NKAIN3: variants seen among roughly 807,000 people sequenced by gnomAD.
The protein encoded by NKAIN3 is sodium/potassium transporting ATPase interacting 3, also known as sodium/potassium-transporting ATPase subunit beta-1-interacting protein 3.
A neutral mutation model predicts 30.2 loss-of-function variants in NKAIN3; 25 were observed. The observed-to-expected ratio is 0.83, with a 90% CI of 0.60 to 1.16. The LOEUF (loss-of-function observed/expected upper bound fraction) is 1.16. Among genes scored for constraint, NKAIN3 ranks in the 50% most tolerant of loss-of-function variants. The probability of loss-of-function intolerance (pLI) is 0.00; values close to 1 mark genes in which losing one functional copy is unlikely to be tolerated. For synonymous variants in NKAIN3, 91 were observed against 89.6 expected (o/e 1.02, Z -0.09); for missense variants, 225 against 254.1 (o/e 0.89, Z 0.78).
chr8:62,724,907 G>C (rs1172697949), intron 3 of NKAIN3, among the ~76,000 whole-genome samples: 1 of 152,086 alleles, frequency 6.6e-6, no homozygotes, highest in Non-Finnish European at 1.5e-5. Flanking sequence ...CAATGGGATT[G>C]CTGGATCACA....
chr8:62,415,289 T>C (rs1277136584), intron 1 of NKAIN3, among the ~76,000 whole-genome samples: 1 of 144,904 alleles, frequency 6.9e-6, no homozygotes, highest in Non-Finnish European at 1.5e-5. Flanking sequence ...TTATATACTA[T>C]ATATATTTAT....
chr8:62,941,351 C>G (rs1334623435), intron 5 of NKAIN3, among the ~76,000 whole-genome samples: 1 of 151,954 alleles, frequency 6.6e-6, no homozygotes, highest in African/African-American at 2.4e-5. Context: ...ATACTATTGA[C>G]ACTATTCCAC....
At chr8:62,855,443 A>G in intron 4 of NKAIN3, 3 of 1,171,016 alleles carry the variant, frequency 2.6e-6, no homozygotes, top group Admixed American at 3.4e-5. Flanking sequence ...TGAATACTTC[A>G]TCTTGGGTCT....
chr8:62,613,805 C>G (rs1388584262), intron 3 of NKAIN3, among the ~76,000 whole-genome samples: 1 of 152,106 alleles, frequency 6.6e-6, no homozygotes, highest in African/African-American at 2.4e-5. Flanking sequence ...TTAAAGGAAT[C>G]TGATGCATTC....
intron 3 of NKAIN3, among the ~76,000 whole-genome samples, chr8:62,640,847 G>A (rs570514671): frequency 6.6e-6 from 1 of 152,148 alleles, no homozygotes; most frequent in African/African-American, 2.4e-5. Context: ...CTGGTGTGAG[G>A]TGGCTGTTTC....
chr8:62,486,138 G>A (rs1382262787), intron 1 of NKAIN3, among the ~76,000 whole-genome samples: 1 of 152,130 alleles, frequency 6.6e-6, no homozygotes, highest in Non-Finnish European at 1.5e-5. Flanking sequence ...GCTGAGGACA[G>A]AGTCCTAGGG....
chr8:62,585,295 A>G (rs1810434121), intron 2 of NKAIN3, among the ~76,000 whole-genome samples: 1 of 152,160 alleles, frequency 6.6e-6, no homozygotes, highest in African/African-American at 2.4e-5. Flanking sequence ...ACCCCAAATC[A>G]CAGAATCAAA....
chr8:62,746,109 T>C (rs1816060891), intron 3 of NKAIN3, among the ~76,000 whole-genome samples: 1 of 152,226 alleles, frequency 6.6e-6, no homozygotes, highest in Non-Finnish European at 1.5e-5. Flanking sequence ...GAATTCAAGG[T>C]CTTGGCAGGG....
At chr8:62,271,433 G>A (rs1812775727) in intron 1 of NKAIN3, among the ~76,000 whole-genome samples, 1 of 152,180 alleles carries the variant, frequency 6.6e-6, no homozygotes, top group Non-Finnish European at 1.5e-5. Flanking sequence ...GAAGTATCAA[G>A]GTGTTCCTAA....
chr8:62,327,875 T>G (rs1815197204), intron 1 of NKAIN3, among the ~76,000 whole-genome samples: 2 of 152,108 alleles, frequency 1.3e-5, no homozygotes, highest in Admixed American at 6.6e-5. Context: ...CGGGGGGGAT[T>G]GTTGACATTT....
chr8:62,799,313 T>G (rs933361625), intron 4 of NKAIN3, among the ~76,000 whole-genome samples: 3 of 152,084 alleles, frequency 2.0e-5, no homozygotes, highest in Admixed American at 6.6e-5. Context: ...AGTACTAATA[T>G]CTACAGTGTA....
chr8:62,819,188 C>G (rs1319596412), intron 4 of NKAIN3, among the ~76,000 whole-genome samples: 1 of 148,428 alleles, frequency 6.7e-6, no homozygotes, highest in Non-Finnish European at 1.5e-5. Flanking sequence ...TTGTTAGGCA[C>G]AATAACAGTA....
At chr8:62,813,738 C>T (rs553419630) in intron 4 of NKAIN3, among the ~76,000 whole-genome samples, 3 of 151,970 alleles carry the variant, frequency 2.0e-5, no homozygotes, top group East Asian at 3.9e-4. Flanking sequence ...TGTATTTTCT[C>T]TACCAGTAAA....
chr8:62,289,618 T>C lies in NKAIN3; in HGVS notation c.54+40491T>C, dbSNP rs556927125. ...TTGGTCTATATCTCTGTTTTGGTAC[T>C]GGTACCATGCTGTTTTGGTTACTGT... On this transcript the variant is annotated intron_variant, in intron 1 of 6. Transcript: ENST00000623646. Among the ~76,000 whole-genome samples, 33 of 152,194 alleles carry C rather than the reference T, an allele frequency of 2.2e-4. 1 individual carries two copies. The South Asian group carries it at 6.0e-3, about 28-fold the overall frequency.
chr8:62,811,783 C>A (rs1818496530), intron 4 of NKAIN3, among the ~76,000 whole-genome samples: 1 of 151,822 alleles, frequency 6.6e-6, no homozygotes, highest in Non-Finnish European at 1.5e-5. Context: ...AACTTATTTG[C>A]TGAATATGTG....
At chr8:62,787,789 T>C (rs1322557166) in intron 4 of NKAIN3, among the ~76,000 whole-genome samples, 2 of 152,058 alleles carry the variant, frequency 1.3e-5, no homozygotes, top group African/African-American at 4.8e-5. Context: ...GTTTGGTTTT[T>C]TGTCCTTGTG....
At chr8:62,291,722 G>A (rs1813640710) in intron 1 of NKAIN3, among the ~76,000 whole-genome samples, 1 of 152,162 alleles carries the variant, frequency 6.6e-6, no homozygotes, top group Admixed American at 6.5e-5. Context: ...TGTTGATTTG[G>A]GGTGGAGAGT....
chr8:62,420,175 C>T (rs935790662), intron 1 of NKAIN3, among the ~76,000 whole-genome samples: 15 of 152,184 alleles, frequency 9.9e-5, no homozygotes, highest in Middle Eastern at 3.4e-3. Flanking sequence ...TTATGAGTCA[C>T]GTGTGTGAGA....
chr8:62,850,629 TG>T (rs1407090608), intron 4 of NKAIN3, among the ~76,000 whole-genome samples: 3 of 152,172 alleles, frequency 2.0e-5, no homozygotes, highest in Admixed American at 2.0e-4. Context: ...AATTAATTTT[TG>T]TATAAGGTGT....
Sources: allele counts gnomAD v4.1 joint callset (sites outside exome capture counted in the v4.1 genomes callset), GRCh38; gene constraint gnomAD v4.1.1; transcripts MANE v1.5; gene names NCBI Gene and HGNC (gene_info 2026-07-23, HGNC 2026-07-21).